Variants in MIA3 observed in about 807,000 individuals in gnomAD.
MIA3 encodes MIA SH3 domain ER export factor 3.
MIA3 carries 90 observed loss-of-function variants against 192.4 expected under a neutral mutation model. The observed-to-expected ratio is 0.47, with a 90% CI of 0.39 to 0.56. MIA3 has a LOEUF of 0.56. Ranked by LOEUF, MIA3 falls within the 20% of genes least tolerant of loss-of-function variation. MIA3 has a pLI of 0.00. For synonymous variants in MIA3, 740 were observed against 792.8 expected (o/e 0.93, Z 1.12); for missense variants, 2,123 against 2,269.4 (o/e 0.94, Z 1.31).
At chr1:222,644,160 C>T (rs1405962298) in intron 6 of MIA3, 10 of 543,652 alleles carry the variant, frequency 1.8e-5, no homozygotes, top group Non-Finnish European at 2.6e-5. Context: ...GTCACTTCCG[C>T]CTCTTTTTAC....
chr1:222,650,384 T>G lies in MIA3; in HGVS notation c.3720+4T>G. On this transcript the variant is annotated splice_donor_region_variant and intron_variant, in intron 9 of 27. Transcript: ENST00000344922. ...ATTGTCAAATTATGAACAGAAGGTA[T>G]GATTATTCTTTGTTTTTTTTTTTTT... is the stretch of plus-strand genomic sequence containing the variant. The G allele has an allele frequency of 6.8e-7, 1 of 1,479,150 alleles. No individual in the cohort carries two copies. Among genetic ancestry groups the G allele is most frequent in the Middle Eastern group, 1.7e-4 (1 of 5,728 alleles). 91.6% of individuals were successfully genotyped at this position (1,479,150 alleles called of 1,614,324 possible).
rs767483388 is a variant in MIA3 at position 222,627,724 on chromosome 1, C to A, written c.504C>A (p.Asn168Lys). 22 of 1,613,250 alleles carry A rather than the reference C, an allele frequency of 1.4e-5. No individual in the cohort carries two copies. Among genetic ancestry groups the A allele is most frequent in the South Asian group, 8.8e-5 (8 of 90,860 alleles). ...AAACTTTACAGGATATGGAAAAAAACCCTGAATTATCTAAGGAAAGGGAAC... is the reference window on the plus strand; with the variant it reads ...AAACTTTACAGGATATGGAAAAAAAACCTGAATTATCTAAGGAAAGGGAAC... ...VEKTLQDMEK[N>K]PELSKEREPE... The change falls in exon 4 of 28, where the codon AAC becomes AAA. Residue 168 changes from asparagine (N) to lysine (K), a missense_variant. Asn to Lys is a moderately conservative substitution (Grantham distance 94). Coordinates refer to ENST00000344922, the MANE Select transcript of MIA3 (RefSeq NM_198551.4).
intron 13 of MIA3, 69 bp from the exon 14 acceptor site, chr1:222,652,939 T>C: frequency 6.5e-7 from 1 of 1,528,212 alleles, no homozygotes; most frequent in Non-Finnish European, 8.8e-7. Flanking sequence ...ACCTGTCTCA[T>C]TCATGTGGTC....
Position 222,658,708 on chromosome 1 carries a change from C to T in MIA3, c.4608-14C>T, listed in dbSNP as rs768639437. 6 of 1,578,648 alleles carry T rather than the reference C, an allele frequency of 3.8e-6. No homozygotes were observed. In the East Asian group the frequency reaches 1.4e-4, roughly 36 times the overall value. On this transcript the variant is annotated splice_polypyrimidine_tract_variant and intron_variant, in intron 18 of 27. Coordinates refer to ENST00000344922, the MANE Select transcript of MIA3 (RefSeq NM_198551.4). ...AAAGAGAAACACTTTCATTGACAAC[C>T]AGTTTTATCTTAGGAAACTGAGTCA...
At position 222,662,405 on chromosome 1, in the gene MIA3, C is replaced by T. The variant is rs959304629; in HGVS notation, c.5262+73C>T. 30 of 1,582,442 alleles carry T rather than the reference C, an allele frequency of 1.9e-5. No individual in the cohort carries two copies. The Admixed American group carries it at 2.5e-4, about 13-fold the overall frequency. ...TCTTCCTACAACTCTCTCTTTGCCT[C>T]ATCTCCTATTTGTGTGTTCTATCTG... On this transcript the variant is annotated intron_variant, in intron 26 of 27. Coordinates refer to ENST00000344922, the MANE Select transcript of MIA3 (RefSeq NM_198551.4).
intron 12 of MIA3, 55 bp downstream of exon 12, chr1:222,652,103 C>T: frequency 7.5e-7 from 1 of 1,336,882 alleles, no homozygotes; most frequent in Non-Finnish European, 1.1e-6. Context: ...AGTTTGATTG[C>T]AGAGCAAAAA....
At chr1:222,618,902 TTC>T (rs1298550343) in intron 1 of MIA3, among the ~76,000 whole-genome samples, 1 of 152,176 alleles carries the variant, frequency 6.6e-6, no homozygotes, top group Non-Finnish European at 1.5e-5. Context: ...ACTCATTGTA[TTC>T]CGAGGTCTCT....
At chr1:222,622,017 C>CCGGGA (rs1471861145) in intron 2 of MIA3, among the ~76,000 whole-genome samples, 1 of 152,128 alleles carries the variant, frequency 6.6e-6, no homozygotes, top group African/African-American at 2.4e-5. Flanking sequence ...ACTGTGTTAG[C>CCGGGA]TAGGTCTCGA....
Position 222,665,731 on chromosome 1 carries a change from T to A in MIA3, c.*112T>A. ...AAAGTTTATTTTAAAAGGTTTGTTG[T>A]TAGAACTAAGCTGCCTTGGCAGTGT... On this transcript the variant is annotated 3_prime_UTR_variant, in exon 28 of 28. Coordinates refer to ENST00000344922, the MANE Select transcript of MIA3 (RefSeq NM_198551.4). 1.1e-6 allele frequency: 1 copy of A among 925,882 alleles called. No homozygotes were observed. The highest frequency in any genetic ancestry group is 1.5e-6 in the Non-Finnish European group (1 of 656,466). 57.4% of individuals were successfully genotyped at this position (925,882 alleles called of 1,614,324 possible).
intron 24 of MIA3, chr1:222,661,020 A>G (rs1179423375): frequency 6.6e-6 from 1 of 152,320 alleles, no homozygotes; most frequent in Non-Finnish European, 1.5e-5. Flanking sequence ...TTGCTATTGC[A>G]GTGAGCTCAA....
rs2124939420 is a variant in MIA3, at chr1:222,665,679, A to T, written c.*60A>T. The T allele has an allele frequency of 1.5e-6, 2 of 1,332,464 alleles. No homozygotes were observed. Among genetic ancestry groups the T allele is most frequent in the South Asian group, 1.8e-5 (1 of 54,762 alleles). 82.5% of individuals were successfully genotyped at this position (1,332,464 alleles called of 1,614,324 possible). A position where few individuals can be genotyped will look rare whatever the true frequency, so the allele number is the denominator to read the frequency against. ...TGTACTGTGCATTATCCATTACAGTAAAGGATTTCATTGGCTTCAAAATCC... is the reference window on the plus strand; with the variant it reads ...TGTACTGTGCATTATCCATTACAGTTAAGGATTTCATTGGCTTCAAAATCC... On this transcript the variant is annotated 3_prime_UTR_variant, in exon 28 of 28. Coordinates refer to ENST00000344922, the MANE Select transcript of MIA3 (RefSeq NM_198551.4).
In MIA3 at chr1:222,654,779, G is replaced by C. The variant is rs775739917; in HGVS notation, c.4593G>C (p.Glu1531Asp). 4 of 1,613,460 alleles carry C rather than the reference G, an allele frequency of 2.5e-6. No homozygotes were observed. Among genetic ancestry groups the C allele is most frequent in the Non-Finnish European group, 3.4e-6 (4 of 1,179,808 alleles). ...EILNELYQQKEMALQKKLSQE... is the reference protein window; with the variant it reads ...EILNELYQQKDMALQKKLSQE... ...TGAATGAGCTCTATCAGCAGAAGGA[G>C]ATGGCTTTGCAAAAGTAAGATTATC... Residue 1531 changes from glutamate to aspartate, a missense_variant, in exon 18 of 28, where the codon GAG becomes GAC. Glu to Asp is a conservative substitution (Grantham distance 45). Around this residue, in one of 3 missense-constraint regions of MIA3, gnomAD observed 762 missense variants for 856.4 expected, o/e 0.89. Coordinates refer to ENST00000344922, the MANE Select transcript of MIA3 (RefSeq NM_198551.4).
intron 5 of MIA3, among the ~76,000 whole-genome samples, 154 bp from the exon 6 acceptor site, chr1:222,632,950 A>G (rs1662467463): frequency 6.6e-6 from 1 of 152,264 alleles, no homozygotes. Context: ...CACAAAGAGT[A>G]TTTCACCACA....
chr1:222,647,579 A>C (rs1455632672), intron 7 of MIA3, among the ~76,000 whole-genome samples: 1 of 152,240 alleles, frequency 6.6e-6, no homozygotes, highest in Non-Finnish European at 1.5e-5. Flanking sequence ...AAAAGGGAGA[A>C]TCAAAGGGTA....
rs185775960 is a variant in MIA3, at chr1:222,622,384, C to T, written c.267+1092C>T. Among the ~76,000 whole-genome samples, 12 of 152,244 alleles carry T rather than the reference C, an allele frequency of 7.9e-5. No homozygotes were observed. The East Asian group carries it at 2.1e-3, about 27-fold the overall frequency. ...CTTTACTTCAAGTAGTAAGGGTCCT[C>T]GATATCTTTAGGATTGTCCCAACTT... On this transcript the variant is annotated intron_variant, in intron 2 of 27. Transcript: ENST00000344922.
intron 7 of MIA3, among the ~76,000 whole-genome samples, chr1:222,647,676 G>A (rs933689285): frequency 4.6e-5 from 7 of 151,934 alleles, no homozygotes; most frequent in East Asian, 3.9e-4. Flanking sequence ...CGCCTTTTTC[G>A]TTTTTCAGAA....
intron 26 of MIA3, among the ~76,000 whole-genome samples, chr1:222,663,706 G>A (rs183804648): frequency 1.3e-5 from 2 of 152,148 alleles, no homozygotes; most frequent in African/African-American, 4.8e-5. Flanking sequence ...TATGAATGGC[G>A]TAACTTCTAT....
chr1:222,628,953 G>T lies in MIA3; in HGVS notation c.1733G>T (p.Gly578Val). 6.2e-7 allele frequency: 1 copy of T among 1,614,178 alleles called. No homozygotes were observed. The highest frequency in any genetic ancestry group is 2.2e-5 in the East Asian group (1 of 44,876). ...NDRKIQQESL[G>V]SAPLMGDDHP... The stretch of plus-strand genomic sequence containing the variant: ...AGAAAGATTCAACAGGAATCCCTGG[G>T]TAGTGCACCACTCATGGGAGATGAC... Residue 578 changes from glycine (G) to valine (V), a missense_variant, in exon 4 of 28, where the codon GGT becomes GTT. Gly to Val is a moderately radical substitution (Grantham distance 109). Transcript: ENST00000344922.
In MIA3 at chr1:222,625,498, A is replaced by C. The variant is rs186015966; in HGVS notation, c.354+644A>C. Among the ~76,000 whole-genome samples, 1,454 of 152,366 alleles carry C rather than the reference A, an allele frequency of 9.5e-3. 4 individuals carry two copies. Among genetic ancestry groups the C allele is most frequent in the Non-Finnish European group, 0.015 (1,039 of 68,034 alleles). On this transcript the variant is annotated intron_variant, in intron 3 of 27. Coordinates refer to ENST00000344922, the MANE Select transcript of MIA3 (RefSeq NM_198551.4). ...AGGATATAGAAATCAGGTTAAATTA[A>C]TTAAGCTCTAATTTTATACTGAGCC...
Sources: gnomAD v4.1 joint callset for allele counts (sites outside exome capture counted in the v4.1 genomes callset) on GRCh38, gnomAD v4.1.1 for gene constraint, gnomAD v4.1.1 regional missense constraint, MANE v1.5 for transcripts, NCBI Gene and HGNC (gene_info 2026-07-23, HGNC 2026-07-21) for gene names.